The following GATA1 variants were observed in gnomAD, a reference collection of about 807,000 sequenced individuals.
The protein encoded by GATA1 is GATA binding protein 1.
GATA1 carries 2 observed loss-of-function variants against 18.9 expected under a neutral mutation model. The observed-to-expected ratio is 0.11, with a 90% confidence interval of 0.04 to 0.33. The LOEUF is 0.33. GATA1 is among the 10% of genes least tolerant of loss of function. GATA1 has a pLI of 1.00. For missense variants in GATA1, 272 were observed against 344.7 expected (o/e 0.79, Z 1.67); for synonymous variants, 152 against 149.1 (o/e 1.02, Z -0.14).
chrX:48,787,189 ACT>A (rs2062660969), intron 1 of GATA1, among the ~76,000 whole-genome samples: 1 of 108,211 alleles, frequency 9.2e-6, no homozygotes, highest in Admixed American at 1.0e-4. Context: ...TTTCAAACCC[ACT>A]CTTTGTTCCC....
chrX:48,789,421 A>T (rs2062667025), intron 1 of GATA1, among the ~76,000 whole-genome samples: 1 of 112,004 alleles, frequency 8.9e-6, no homozygotes, highest in Non-Finnish European at 1.9e-5. Context: ...ACAGAGAGTC[A>T]GGGGAAAGAG....
At position 48,794,098 on chromosome X, in the gene GATA1, C is replaced by A. The variant is rs782094568; in HGVS notation, c.1176C>A (p.Gly392=). 1 of 1,198,234 alleles carries A rather than the reference C, an allele frequency of 8.3e-7. No homozygotes were observed. The highest frequency in any genetic ancestry group is 1.8e-5 in the South Asian group (1 of 54,237). ...FPGPLLGSPT[G]SFPTGPMPPT... ...GACCCCTACTGGGCTCACCCACGGG[C>A]TCCTTCCCCACAGGCCCCATGCCCC... The change falls in exon 6 of 6, where the codon GGC becomes GGA. Residue 392 remains glycine (G), a synonymous_variant. Transcript: ENST00000376670.
intron 1 of GATA1, among the ~76,000 whole-genome samples, chrX:48,788,115 G>T (rs2062663499): frequency 2.7e-5 from 3 of 111,262 alleles, no homozygotes; most frequent in Non-Finnish European, 5.7e-5. Context: ...GGGGTTGGGG[G>T]CAGTGGGGCT....
chrX:48,793,216 G>T lies in GATA1; in HGVS notation c.789G>T (p.Thr263=). 8.3e-7 allele frequency: 1 copy of T among 1,208,447 alleles called. No individual in the cohort carries two copies. The change falls in exon 5 of 6, where the codon ACG becomes ACT. Residue 263 remains threonine (T), a synonymous_variant. Coordinates refer to ENST00000376670, the MANE Select transcript of GATA1 (RefSeq NM_002049.4). ...GTACTCAGTGCACCAACTGCCAGACGACCACCACGACACTGTGGCGGAGAA... is the reference window on the plus strand; with the variant it reads ...GTACTCAGTGCACCAACTGCCAGACTACCACCACGACACTGTGGCGGAGAA... ...RAGTQCTNCQ[T]TTTTLWRRNA...
intron 5 of GATA1, among the ~76,000 whole-genome samples, chrX:48,793,561 C>A (rs1021999403): frequency 9.4e-6 from 1 of 106,594 alleles, no homozygotes; most frequent in African/African-American, 3.4e-5. Context: ...TCCTCTCCCC[C>A]ACCTCCAGGC....
intron 2 of GATA1, 129 bp downstream of exon 2, chrX:48,791,458 T>G (rs973059129): frequency 1.6e-6 from 1 of 639,906 alleles, no homozygotes; most frequent in African/African-American, 2.2e-5. Context: ...CAAATGGATG[T>G]GCCGACCACT....
chrX:48,789,374 A>G (rs1557019631), intron 1 of GATA1, among the ~76,000 whole-genome samples: 1 of 111,571 alleles, frequency 9.0e-6, no homozygotes, highest in African/African-American at 3.3e-5. Context: ...AGAAACACAG[A>G]AAGCTGGGGA....
rs1240943746 is a variant in GATA1 at position 48,792,171 on chromosome X, C to T, written c.548C>T (p.Ala183Val). 10 of 1,209,696 alleles carry T rather than the reference C, an allele frequency of 8.3e-6. No homozygotes were observed. The highest frequency in any genetic ancestry group is 1.1e-5 in the Non-Finnish European group (10 of 895,041). ...FSPTGSPLNS[A>V]AYSSPKLRGT... ...CCCACCGGGAGCCCCCTCAATTCAGCAGCCTATTCCTCTCCCAAGCTTCGT... is the reference window on the plus strand; with the variant it reads ...CCCACCGGGAGCCCCCTCAATTCAGTAGCCTATTCCTCTCCCAAGCTTCGT... Residue 183 changes from alanine to valine, a missense_variant, in exon 3 of 6, where the codon GCA becomes GTA. Physicochemically the swap from Ala to Val is moderately conservative, Grantham distance 64. Transcript: ENST00000376670.
intron 1 of GATA1, among the ~76,000 whole-genome samples, chrX:48,790,085 G>A (rs782106118): frequency 9.1e-6 from 1 of 109,481 alleles, no homozygotes; most frequent in South Asian, 3.9e-4. Context: ...ACAGAAAAGG[G>A]AGGAGAAGGA....
intron 2 of GATA1, 104 bp downstream of exon 2, chrX:48,791,433 T>C: frequency 2.6e-6 from 2 of 766,857 alleles, no homozygotes; most frequent in Middle Eastern, 4.2e-4. Flanking sequence ...ATCTCAGAAA[T>C]GGCTGGAAGC....
At chrX:48,787,190 C>T (rs2062660958) in intron 1 of GATA1, among the ~76,000 whole-genome samples, 1 of 111,092 alleles carries the variant, frequency 9.0e-6, no homozygotes, top group Non-Finnish European at 1.9e-5. Flanking sequence ...TTCAAACCCA[C>T]TCTTTGTTCC....
chrX:48,787,767 A>G (rs1427376321), intron 1 of GATA1, among the ~76,000 whole-genome samples: 1 of 110,618 alleles, frequency 9.0e-6, no homozygotes, highest in East Asian at 2.8e-4. Context: ...TCTGACCTTC[A>G]AATTCCACCT....
chrX:48,790,658 AG>A (rs781958271), intron 1 of GATA1, among the ~76,000 whole-genome samples: 1 of 97,866 alleles, frequency 1.0e-5, no homozygotes, highest in African/African-American at 3.8e-5. Context: ...AATGGGGAAG[AG>A]GGGGGCAAAG....
At chrX:48,793,701 C>T (rs1569499694) in intron 5 of GATA1, 92 bp from the exon 6 acceptor site, 1 of 1,130,190 alleles carries the variant, frequency 8.8e-7, no homozygotes, top group African/African-American at 1.8e-5. Context: ...ATTATCTTAC[C>T]CTGAAAGAAG....
intron 1 of GATA1, among the ~76,000 whole-genome samples, chrX:48,789,640 C>A (rs1557019682): frequency 9.0e-6 from 1 of 110,914 alleles, no homozygotes; most frequent in Non-Finnish European, 1.9e-5. Context: ...AGAGGTACCT[C>A]CCACCTGCCA....
At position 48,793,939 on chromosome X, in the gene GATA1, G is replaced by C. The variant is rs2062682489; in HGVS notation, c.1017G>C (p.Gly339=). ...GPAGGFMVVA[G]GSGSGNCGEV... is the part of the protein sequence containing the mutation. ...CTGGTGGCTTTATGGTGGTGGCTGG[G>C]GGCAGCGGTAGCGGGAATTGTGGGG... is the stretch of plus-strand genomic sequence containing the variant. Residue 339 remains glycine, a synonymous_variant, in exon 6 of 6, where the codon GGG becomes GGC. Transcript: ENST00000376670. 3 of 1,203,176 alleles carry C rather than the reference G, an allele frequency of 2.5e-6. No individual in the cohort carries two copies. The highest frequency in any genetic ancestry group is 2.2e-5 in the Admixed American group (1 of 45,044).
intron 2 of GATA1, 144 bp from the exon 3 acceptor site, chrX:48,791,700 G>T: frequency 1.5e-6 from 1 of 686,689 alleles, no homozygotes; most frequent in Non-Finnish European, 2.3e-6. Flanking sequence ...GCATCCAATG[G>T]CCAGCAGCTG....
At chrX:48,793,058 G>A in intron 4 of GATA1, 114 bp from the exon 5 acceptor site, 4 of 807,520 alleles carry the variant, frequency 5.0e-6, no homozygotes, top group Middle Eastern at 2.8e-4. Context: ...TGTAAACAAA[G>A]CCCTGCCTTC....
chrX:48,793,424 C>T, intron 5 of GATA1, 127 bp downstream of exon 5: 3 of 615,400 alleles, frequency 4.9e-6, no homozygotes, highest in South Asian at 5.3e-5. Context: ...CCTTTCCCTC[C>T]TTCCTCCCCC....
Sources: gnomAD v4.1 joint callset for allele counts (sites outside exome capture counted in the v4.1 genomes callset) on GRCh38, gnomAD v4.1.1 for gene constraint, MANE v1.5 for transcripts, NCBI Gene and HGNC (gene_info 2026-07-23, HGNC 2026-07-21) for gene names.